The following RPS6KC1 variants were observed in gnomAD, a reference collection of about 807,000 sequenced individuals.
RPS6KC1 encodes the protein inactive ribosomal protein S6 kinase delta-1.
In RPS6KC1, 54 loss-of-function variants were observed where a neutral mutation model predicts 103.8. The observed-to-expected ratio is 0.52, with a 90% CI of 0.42 to 0.65. The LOEUF (loss-of-function observed/expected upper bound fraction) is 0.65, where lower values mean the gene tolerates loss of function less well. Ranked by LOEUF, RPS6KC1 falls within the 30% of genes least tolerant of loss-of-function variation. The pLI, the probability that RPS6KC1 is intolerant of heterozygous loss-of-function variation, is 0.00. For missense variants in RPS6KC1, 1,151 were observed against 1,253.8 expected, an observed-to-expected ratio of 0.92 and a Z score of 1.24; for synonymous variants, 439 against 438.7, an observed-to-expected ratio of 1.00 and a Z score of -0.01.
chr1:213,292,449 A>C, the RPS6KC1 span, among the ~76,000 whole-genome samples: 3 of 152,160 alleles, frequency 2.0e-5, no homozygotes, highest in East Asian at 5.8e-4. Context: ...AAAGGTCATC[A>C]CTAAGAAAAT....
intron 14 of RPS6KC1, among the ~76,000 whole-genome samples, chr1:213,265,593 G>A (rs2094893891): frequency 6.6e-6 from 1 of 152,150 alleles, no homozygotes; most frequent in African/African-American, 2.4e-5. Context: ...ATATATGTGG[G>A]ATATTCCTGT....
At chr1:213,737,640 G>C in the RPS6KC1 span, among the ~76,000 whole-genome samples, 57 of 152,194 alleles carry the variant, frequency 3.7e-4, 2 homozygotes, top group East Asian at 9.9e-3. Context: ...CTGGTGAAAA[G>C]TACAAGGCAA....
In RPS6KC1 at chr1:213,071,076, T is replaced by A. The variant is rs767639123; in HGVS notation, c.141+35T>A. ...ATATGAAGATTTTATTTTATGTATT[T>A]GATAAAAATTTAACTAAATGCTTTT... On this transcript the variant is annotated intron_variant, in intron 2 of 14. Transcript: ENST00000366960. 9.1e-6 allele frequency: 12 copies of A among 1,321,844 alleles called. No individual in the cohort carries two copies. The Admixed American group carries it at 9.3e-5, about 10-fold the overall frequency. The allele number at this position is 1,321,844 out of a possible 1,614,324, so 81.9% of individuals were successfully genotyped here.
chr1:213,540,250 C>A, the RPS6KC1 span, among the ~76,000 whole-genome samples: 1 of 152,170 alleles, frequency 6.6e-6, no homozygotes, highest in Non-Finnish European at 1.5e-5. Context: ...CTCAGTTTCC[C>A]AAATAGCAAG....
At chr1:213,612,908 T>A in the RPS6KC1 span, among the ~76,000 whole-genome samples, 1 of 152,334 alleles carries the variant, frequency 6.6e-6, no homozygotes, top group African/African-American at 2.4e-5. Context: ...AGAAAATGTA[T>A]TTTCTGCCTT....
the RPS6KC1 span, among the ~76,000 whole-genome samples, chr1:213,812,240 A>AGAAG: frequency 1.6e-4 from 24 of 152,290 alleles, no homozygotes; most frequent in South Asian, 4.4e-3. Flanking sequence ...AAGGAAGGAA[A>AGAAG]GAAGGAAGGA....
chr1:213,358,920 A>T, the RPS6KC1 span, among the ~76,000 whole-genome samples: 55 of 152,220 alleles, frequency 3.6e-4, 1 homozygote, highest in East Asian at 9.9e-3. Context: ...GGTCTGAGAG[A>T]CAGTTTGTTA....
intron 3 of RPS6KC1, among the ~76,000 whole-genome samples, chr1:213,096,459 T>G (rs1410960240): frequency 2.6e-5 from 4 of 151,168 alleles, no homozygotes; most frequent in Non-Finnish European, 4.4e-5. Flanking sequence ...GAGGGCAGGG[T>G]GGGTGGATCA....
chr1:213,600,500 G>A, the RPS6KC1 span, among the ~76,000 whole-genome samples: 1 of 152,156 alleles, frequency 6.6e-6, no homozygotes, highest in Admixed American at 6.5e-5. Flanking sequence ...AGAGATAGAT[G>A]CACTTGAACT....
chr1:213,355,338 C>T, the RPS6KC1 span, among the ~76,000 whole-genome samples: 1 of 152,128 alleles, frequency 6.6e-6, no homozygotes, highest in Non-Finnish European at 1.5e-5. Flanking sequence ...CATTTTCAGA[C>T]CAGCTGGAAG....
At chr1:213,815,279 T>C in the RPS6KC1 span, among the ~76,000 whole-genome samples, 2 of 152,210 alleles carry the variant, frequency 1.3e-5, no homozygotes, top group African/African-American at 4.8e-5. Context: ...TTAAACCTCT[T>C]TCCCAGTTTC....
chr1:213,769,654 AGAG>A, the RPS6KC1 span, among the ~76,000 whole-genome samples: 4 of 152,156 alleles, frequency 2.6e-5, no homozygotes, highest in African/African-American at 9.7e-5. Context: ...AGTGTCAGCA[AGAG>A]GAGAAGTCCT....
the RPS6KC1 span, among the ~76,000 whole-genome samples, chr1:213,735,283 T>C: frequency 2.2e-4 from 33 of 152,318 alleles, no homozygotes; most frequent in African/African-American, 7.9e-4. Flanking sequence ...GTGTCCAGGA[T>C]AGCTACTGAT....
At chr1:213,281,839 C>T in the RPS6KC1 span, among the ~76,000 whole-genome samples, 35 of 152,320 alleles carry the variant, frequency 2.3e-4, no homozygotes, top group Admixed American at 2.2e-3. Context: ...TTAGAATGCT[C>T]CCGTCTCTAC....
chr1:213,486,492 G>A, the RPS6KC1 span, among the ~76,000 whole-genome samples: 1 of 152,082 alleles, frequency 6.6e-6, no homozygotes, highest in African/African-American at 2.4e-5. Context: ...GTAAGAGAGG[G>A]CCAGAGAGCA....
At chr1:213,842,613 G>T in the RPS6KC1 span, among the ~76,000 whole-genome samples, 1 of 152,142 alleles carries the variant, frequency 6.6e-6, no homozygotes, top group African/African-American at 2.4e-5. Context: ...TCTACTAATA[G>T]CCCCACAACA....
At chr1:213,195,625 C>T (rs1411079123) in intron 8 of RPS6KC1, among the ~76,000 whole-genome samples, 3 of 152,122 alleles carry the variant, frequency 2.0e-5, no homozygotes, top group African/African-American at 7.2e-5. Context: ...CAGCCTTTCT[C>T]CTGAGTCCTC....
At chr1:213,421,258 C>T in the RPS6KC1 span, among the ~76,000 whole-genome samples, 6 of 151,868 alleles carry the variant, frequency 4.0e-5, no homozygotes, top group East Asian at 5.8e-4. Flanking sequence ...ATTACAGGTG[C>T]GCGCCACCAT....
chr1:213,813,238 G>A, the RPS6KC1 span, among the ~76,000 whole-genome samples: 1 of 151,958 alleles, frequency 6.6e-6, no homozygotes, highest in African/African-American at 2.4e-5. Flanking sequence ...GCAAAAGAGC[G>A]AGGCTCTGTC....
Sources: allele counts gnomAD v4.1 joint callset (sites outside exome capture counted in the v4.1 genomes callset), GRCh38; gene constraint gnomAD v4.1.1; transcripts MANE v1.5; gene names NCBI Gene and HGNC (gene_info 2026-07-23, HGNC 2026-07-21).